The following WWOX variants were observed in gnomAD, a reference collection of about 807,000 sequenced individuals.
The protein encoded by WWOX is WW domain containing oxidoreductase.
A neutral mutation model predicts 46.2 loss-of-function variants in WWOX; 69 were observed. The ratio of observed to expected loss-of-function variants is 1.49; its 90% CI spans 1.23 to 1.82. The LOEUF is 1.82. Among genes scored for constraint, WWOX ranks in the 40% most tolerant of loss-of-function variants. The pLI, the probability that WWOX is intolerant of heterozygous loss-of-function variation, is 0.00. For synonymous variants in WWOX, 359 were observed against 202.6 expected (o/e 1.77, Z -6.56); for missense variants, 919 against 542.6 (o/e 1.69, Z -6.89).
chr16:78,136,266 T>G (rs992033925), intron 4 of WWOX, among the ~76,000 whole-genome samples: 3 of 152,220 alleles, frequency 2.0e-5, no homozygotes, highest in Non-Finnish European at 4.4e-5. Context: ...ATGATATCCC[T>G]ATGCTTTTAA....
chr16:78,521,466 A>C (rs2043346430), intron 8 of WWOX, among the ~76,000 whole-genome samples: 1 of 152,196 alleles, frequency 6.6e-6, no homozygotes, highest in Admixed American at 6.5e-5. Context: ...ACAAGGCTCA[A>C]GTTCATATTC....
chr16:78,239,883 C>A (rs902047008), intron 5 of WWOX, among the ~76,000 whole-genome samples: 1 of 152,080 alleles, frequency 6.6e-6, no homozygotes, highest in African/African-American at 2.4e-5. Context: ...TCAAGACTCA[C>A]AGGGAATGGG....
chr16:78,679,152 G>C (rs1040302038), intron 8 of WWOX, among the ~76,000 whole-genome samples: 7 of 152,194 alleles, frequency 4.6e-5, no homozygotes, highest in Admixed American at 6.5e-5. Context: ...AGGGAGGATT[G>C]TGTCCCCCAG....
intron 8 of WWOX, among the ~76,000 whole-genome samples, chr16:78,990,360 T>G (rs774766047): frequency 1.3e-5 from 2 of 152,148 alleles, no homozygotes; most frequent in East Asian, 1.9e-4. Flanking sequence ...AGAAGGGCCC[T>G]GTCCGCAGCC....
At chr16:78,361,544 C>T (rs1281849291) in intron 5 of WWOX, among the ~76,000 whole-genome samples, 1 of 152,110 alleles carries the variant, frequency 6.6e-6, no homozygotes, top group African/African-American at 2.4e-5. Context: ...ATTTCCCTTA[C>T]TCTTTTTATA....
chr16:78,542,536 A>G (rs1333678810), intron 8 of WWOX, among the ~76,000 whole-genome samples: 1 of 152,202 alleles, frequency 6.6e-6, no homozygotes, highest in East Asian at 1.9e-4. Context: ...AATGAAAACT[A>G]TGCAACAGAA....
At chr16:78,294,805 A>G (rs1319075084) in intron 5 of WWOX, among the ~76,000 whole-genome samples, 1 of 152,164 alleles carries the variant, frequency 6.6e-6, no homozygotes, top group African/African-American at 2.4e-5. Context: ...AGGGAAGAAG[A>G]GAGTTTGGTC....
At chr16:78,901,580 C>A (rs1165977473) in intron 8 of WWOX, among the ~76,000 whole-genome samples, 1 of 152,184 alleles carries the variant, frequency 6.6e-6, no homozygotes. Flanking sequence ...CTGTGCTTCC[C>A]AGACTCAAGT....
chr16:78,691,115 T>C, intron 8 of WWOX: 1 of 632,848 alleles, frequency 1.6e-6, no homozygotes, highest in Non-Finnish European at 2.8e-6. Flanking sequence ...TGAATACCAG[T>C]CGTTATTGCT....
intron 8 of WWOX, among the ~76,000 whole-genome samples, chr16:78,436,249 A>G (rs1364178665): frequency 6.6e-6 from 1 of 152,080 alleles, no homozygotes; most frequent in Non-Finnish European, 1.5e-5. Flanking sequence ...CTGGAAAGGG[A>G]AGAGAAGGGC....
Position 78,201,528 on chromosome 16 carries a change from TC to T in WWOX, c.516+37240del, listed in dbSNP as rs375872912. Reference sequence around the variant, plus strand: ...AGAGAGAAGTAGATATTTATAGTTTTCTAAAACAATTTAGTCCCTTCTGGAA... The same window carrying T: ...AGAGAGAAGTAGATATTTATAGTTTTTAAAACAATTTAGTCCCTTCTGGAA... On this transcript the variant is annotated intron_variant, in intron 5 of 8. Transcript: ENST00000566780. 3.1e-3 allele frequency among the ~76,000 whole-genome samples: 469 copies of T among 152,256 alleles called. 1 individual carries two copies. The highest frequency in any genetic ancestry group is 0.011 in the African/African-American group (452 of 41,562).
intron 8 of WWOX, among the ~76,000 whole-genome samples, chr16:78,443,143 A>C (rs1268454433): frequency 3.4e-5 from 5 of 146,430 alleles, no homozygotes; most frequent in African/African-American, 1.3e-4. Context: ...CTCAAAAAAA[A>C]AAAAAAAAAA....
At chr16:78,530,587 G>A (rs111457291) in intron 8 of WWOX, among the ~76,000 whole-genome samples, 3,352 of 152,236 alleles carry the variant, frequency 0.022, 74 homozygotes, top group Admixed American at 0.059. Flanking sequence ...CAGGATTGGG[G>A]GCAGGCCGGG....
At chr16:78,828,983 A>G (rs116849755) in intron 8 of WWOX, among the ~76,000 whole-genome samples, 3 of 152,360 alleles carry the variant, frequency 2.0e-5, no homozygotes, top group Non-Finnish European at 4.4e-5. Flanking sequence ...ATGAATGGCA[A>G]AGCTAGGATT....
At chr16:78,911,958 T>A (rs1330110709) in intron 8 of WWOX, among the ~76,000 whole-genome samples, 1 of 152,004 alleles carries the variant, frequency 6.6e-6, no homozygotes, top group Non-Finnish European at 1.5e-5. Flanking sequence ...TAAAGGAAGA[T>A]AAATTATGAA....
In WWOX at chr16:78,386,861, A is replaced by T; in HGVS notation, c.518A>T (p.His173Leu). 1 of 1,613,880 alleles carries T rather than the reference A, an allele frequency of 6.2e-7. No individual in the cohort carries two copies. Among genetic ancestry groups the T allele is most frequent in the African/African-American group, 1.3e-5 (1 of 75,052 alleles). Residue 173 changes from histidine (H) to leucine (L), a missense_variant and splice_region_variant, in exon 6 of 9, where the codon CAT becomes CTT. His to Leu is a moderately conservative substitution (Grantham distance 99). Coordinates refer to ENST00000566780, the MANE Select transcript of WWOX (RefSeq NM_016373.4). ...TCTTTTTATTTTCTCTCATTGCAGC[A>T]TAAAGCCAAGGTAGAAGCAATGACC... ...EAVSRILEEWHKAKVEAMTLD... is the reference protein window; with the variant it reads ...EAVSRILEEWLKAKVEAMTLD...
At chr16:79,087,543 A>G (rs558683889) in intron 8 of WWOX, among the ~76,000 whole-genome samples, 2 of 152,308 alleles carry the variant, frequency 1.3e-5, no homozygotes, top group Admixed American at 6.5e-5. Flanking sequence ...GAGCCAGCCA[A>G]CAGGAGAAAG....
rs1285534375 is a variant in WWOX at position 78,291,731 on chromosome 16, G to A, written c.517-95129G>A. On this transcript the variant is annotated intron_variant, in intron 5 of 8. Coordinates refer to ENST00000566780, the MANE Select transcript of WWOX (RefSeq NM_016373.4). Reference sequence around the variant, plus strand: ...GCTGTAAAAAATAAATAAAAAAAAAGCAAAATTAGCACTTTATCAAGTTTG... The same window carrying A: ...GCTGTAAAAAATAAATAAAAAAAAAACAAAATTAGCACTTTATCAAGTTTG... Among the ~76,000 whole-genome samples the A allele has an allele frequency of 2.0e-5, 3 of 151,782 alleles. No homozygotes were observed. In the East Asian group the frequency reaches 5.8e-4, roughly 29 times the overall value.
chr16:78,891,651 A>T (rs1162113600), intron 8 of WWOX: 2 of 152,174 alleles, frequency 1.3e-5, no homozygotes, highest in Non-Finnish European at 2.9e-5. Flanking sequence ...TAAAATATTG[A>T]ACTATTGCCC....
Sources: gnomAD v4.1 joint callset for allele counts (sites outside exome capture counted in the v4.1 genomes callset) on GRCh38, gnomAD v4.1.1 for gene constraint, MANE v1.5 for transcripts, NCBI Gene and HGNC (gene_info 2026-07-23, HGNC 2026-07-21) for gene names.